The following NTM variants were observed in gnomAD, a reference collection of about 807,000 sequenced individuals.
The protein encoded by NTM is IgLON family member 2.
In NTM, 13 loss-of-function variants were observed where a neutral mutation model predicts 42.1. The ratio of observed to expected loss-of-function variants is 0.31; its 90% CI spans 0.20 to 0.49. The LOEUF (loss-of-function observed/expected upper bound fraction) is 0.49. Ranked by LOEUF, NTM falls within the 20% of genes least tolerant of loss-of-function variation. NTM has a pLI of 0.99. For missense variants in NTM, 373 were observed against 452.8 expected (o/e 0.82, Z 1.60); for synonymous variants, 187 against 179.2 (o/e 1.04, Z -0.35).
intron 1 of NTM, among the ~76,000 whole-genome samples, chr11:131,856,196 A>G (rs1171728300): frequency 1.3e-5 from 2 of 152,124 alleles, no homozygotes; most frequent in African/African-American, 2.4e-5. Flanking sequence ...AGCAGCTTAC[A>G]ATGCTAATTT....
intron 7 of NTM, among the ~76,000 whole-genome samples, chr11:132,317,254 C>T (rs1343500801): frequency 3.3e-5 from 5 of 151,948 alleles, no homozygotes; most frequent in Non-Finnish European, 5.9e-5. Flanking sequence ...GTGCCAGGGG[C>T]AAAAATTTCT....
At chr11:131,962,189 C>T (rs1436675555) in intron 2 of NTM, among the ~76,000 whole-genome samples, 2 of 152,004 alleles carry the variant, frequency 1.3e-5, no homozygotes, top group African/African-American at 4.8e-5. Context: ...AAATACCAGC[C>T]CCTCTCATAA....
intron 2 of NTM, among the ~76,000 whole-genome samples, chr11:132,143,865 G>T (rs2069716978): frequency 6.6e-6 from 1 of 152,300 alleles, no homozygotes; most frequent in South Asian, 2.1e-4. Context: ...CATAAGGGAA[G>T]GTACACCCTT....
intron 3 of NTM, among the ~76,000 whole-genome samples, chr11:132,191,860 G>T (rs1158052085): frequency 6.6e-6 from 1 of 152,092 alleles, no homozygotes; most frequent in Non-Finnish European, 1.5e-5. Flanking sequence ...TTTACTATAA[G>T]AATTTTATAA....
intron 1 of NTM, among the ~76,000 whole-genome samples, chr11:131,736,218 C>A (rs1021813987): frequency 5.9e-5 from 9 of 152,266 alleles, no homozygotes; most frequent in African/African-American, 2.2e-4. Flanking sequence ...CTCCCCGAAC[C>A]TTCTACAGCT....
chr11:131,685,392 G>T (rs1410051668), intron 1 of NTM, among the ~76,000 whole-genome samples: 1 of 152,200 alleles, frequency 6.6e-6, no homozygotes, highest in East Asian at 1.9e-4. Context: ...ACAGCACTCA[G>T]ACTTCCCCAG....
intron 1 of NTM, among the ~76,000 whole-genome samples, chr11:131,405,719 C>T (rs1465338194): frequency 1.3e-5 from 2 of 152,128 alleles, no homozygotes; most frequent in East Asian, 1.9e-4. Context: ...TTTTGTCACT[C>T]GGCTTTATAC....
chr11:131,582,149 C>T (rs2058465095), intron 1 of NTM: 1 of 152,240 alleles, frequency 6.6e-6, no homozygotes, highest in African/African-American at 2.4e-5. Context: ...GAGTTCTGCT[C>T]CCAGCCTCTA....
intron 1 of NTM, among the ~76,000 whole-genome samples, chr11:131,539,857 G>T (rs1260802258): frequency 3.9e-5 from 6 of 152,154 alleles, no homozygotes; most frequent in African/African-American, 1.4e-4. Flanking sequence ...ATGTTATCTG[G>T]CCTCTGCCTC....
chr11:132,251,795 A>G (rs1449031974), intron 4 of NTM, among the ~76,000 whole-genome samples: 1 of 152,186 alleles, frequency 6.6e-6, no homozygotes, highest in Non-Finnish European at 1.5e-5. Context: ...TTTCAAGCCT[A>G]CTACTTATGT....
Position 131,502,174 on chromosome 11 carries a change from C to A in NTM, c.82+131286C>A, listed in dbSNP as rs561478509. Among the ~76,000 whole-genome samples the A allele has an allele frequency of 7.6e-4, 116 of 152,162 alleles. 1 individual carries two copies. Among genetic ancestry groups the A allele is most frequent in the African/African-American group, 2.7e-3 (113 of 41,506 alleles). On this transcript the variant is annotated intron_variant, in intron 1 of 8. Coordinates refer to ENST00000683400, the MANE Select transcript of NTM (RefSeq NM_001352005.2). Reference sequence around the variant, plus strand: ...TTCCCATGTTGAAATCCTCACCCCCCAGAGGATGGAGTTTGGAGGTGTGGT... The same window carrying A: ...TTCCCATGTTGAAATCCTCACCCCCAAGAGGATGGAGTTTGGAGGTGTGGT...
At chr11:131,488,195 A>G (rs1472863375) in intron 1 of NTM, among the ~76,000 whole-genome samples, 3 of 152,182 alleles carry the variant, frequency 2.0e-5, no homozygotes, top group East Asian at 1.9e-4. Context: ...GGGGGGTTCA[A>G]ACAAGAATGA....
intron 2 of NTM, among the ~76,000 whole-genome samples, chr11:132,081,306 A>T (rs1566107826): frequency 6.6e-6 from 1 of 152,214 alleles, no homozygotes; most frequent in Non-Finnish European, 1.5e-5. Flanking sequence ...ATAACCCAAT[A>T]CTACTTCATT....
At position 131,396,394 on chromosome 11, in the gene NTM, T is replaced by C. The variant is rs77556626; in HGVS notation, c.82+25506T>C. ...CCACTTTCCTACGCACAGCTTGACC[T>C]CCTGCTCTGCAGCCTTCATCCCCGT... On this transcript the variant is annotated intron_variant, in intron 1 of 8. Transcript: ENST00000683400. Among the ~76,000 whole-genome samples, 170 of 152,330 alleles carry C rather than the reference T, an allele frequency of 1.1e-3. 1 individual carries two copies. The highest frequency in any genetic ancestry group is 0.01 in the Middle Eastern group (3 of 294).
At chr11:132,289,980 T>G (rs1335526810) in intron 4 of NTM, among the ~76,000 whole-genome samples, 2 of 152,250 alleles carry the variant, frequency 1.3e-5, no homozygotes, top group Non-Finnish European at 2.9e-5. Context: ...AGTTTTAGGA[T>G]TCTGGCTGTT....
chr11:131,867,103 C>G (rs759619261), intron 1 of NTM, among the ~76,000 whole-genome samples: 3 of 152,136 alleles, frequency 2.0e-5, no homozygotes, highest in Non-Finnish European at 4.4e-5. Context: ...GTAAATTAGC[C>G]AGGAAATTAG....
At chr11:131,600,374 A>C (rs2060371633) in intron 1 of NTM, among the ~76,000 whole-genome samples, 1 of 152,202 alleles carries the variant, frequency 6.6e-6, no homozygotes, top group African/African-American at 2.4e-5. Context: ...CCTGTAGAAA[A>C]GTGATTAAAA....
At chr11:131,529,804 C>T (rs2050994240) in intron 1 of NTM, among the ~76,000 whole-genome samples, 1 of 152,180 alleles carries the variant, frequency 6.6e-6, no homozygotes. Context: ...TGCAAATAGG[C>T]ATAATCACTA....
chr11:132,028,087 T>C (rs570383121), intron 2 of NTM, among the ~76,000 whole-genome samples: 1 of 152,230 alleles, frequency 6.6e-6, no homozygotes, highest in East Asian at 1.9e-4. Context: ...GTTTTCATTT[T>C]CTGCTTACAT....
Sources: gnomAD v4.1 joint callset for allele counts (sites outside exome capture counted in the v4.1 genomes callset) on GRCh38, gnomAD v4.1.1 for gene constraint, MANE v1.5 for transcripts, NCBI Gene and HGNC (gene_info 2026-07-23, HGNC 2026-07-21) for gene names.